Variants in KCNG3 observed in about 807,000 individuals in gnomAD.
KCNG3 encodes potassium voltage-gated channel modifier subfamily G member 3.
KCNG3 carries 15 observed loss-of-function variants against 29.0 expected under a neutral mutation model. The observed-to-expected ratio is 0.52, with a 90% CI of 0.35 to 0.80. KCNG3 has a LOEUF of 0.80. Among genes scored for constraint, KCNG3 ranks in the 30% least tolerant of loss-of-function variants. The probability of loss-of-function intolerance (pLI) is 0.01; values close to 1 mark genes in which losing one functional copy is unlikely to be tolerated. For missense variants in KCNG3, 512 were observed against 605.7 expected, an observed-to-expected ratio of 0.85 and a Z score of 1.62; for synonymous variants, 322 against 248.9, an observed-to-expected ratio of 1.29 and a Z score of -2.76.
chr2:42,468,018 G>A (rs1673187830), intron 1 of KCNG3, among the ~76,000 whole-genome samples: 1 of 149,660 alleles, frequency 6.7e-6, no homozygotes, highest in Non-Finnish European at 1.5e-5. Context: ...AACCCAGACA[G>A]ACAGTACAAG....
chr2:42,397,875 T>A, the KCNG3 span, among the ~76,000 whole-genome samples: 3 of 152,192 alleles, frequency 2.0e-5, no homozygotes, highest in Non-Finnish European at 2.9e-5. Flanking sequence ...TTCACTCTCA[T>A]ATGTAGCTAG....
At chr2:42,414,691 T>G in the KCNG3 span, among the ~76,000 whole-genome samples, 2 of 152,174 alleles carry the variant, frequency 1.3e-5, no homozygotes, top group African/African-American at 4.8e-5. Context: ...ATTATTTCCT[T>G]CTAGGAAACC....
chr2:42,491,694 C>T (rs1007488521), intron 1 of KCNG3, among the ~76,000 whole-genome samples: 1 of 152,118 alleles, frequency 6.6e-6, no homozygotes, highest in Non-Finnish European at 1.5e-5. Context: ...TAATAGACTC[C>T]GTGGCACTAG....
At chr2:42,429,476 C>T in the KCNG3 span, among the ~76,000 whole-genome samples, 1 of 152,204 alleles carries the variant, frequency 6.6e-6, no homozygotes, top group Non-Finnish European at 1.5e-5. Context: ...AATTCATTTT[C>T]TACTCTTGAG....
the KCNG3 span, among the ~76,000 whole-genome samples, chr2:42,418,231 C>G: frequency 5.9e-5 from 9 of 152,228 alleles, no homozygotes; most frequent in African/African-American, 2.2e-4. Flanking sequence ...TCTTATTTCA[C>G]ATATTACTAT....
chr2:42,472,783 A>G (rs1248330958), intron 1 of KCNG3, among the ~76,000 whole-genome samples: 7 of 151,342 alleles, frequency 4.6e-5, no homozygotes, highest in African/African-American at 1.5e-4. Flanking sequence ...TACAGGCTCA[A>G]CGATATATCT....
intron 1 of KCNG3, among the ~76,000 whole-genome samples, chr2:42,476,533 C>T (rs184590401): frequency 5.9e-5 from 9 of 152,120 alleles, no homozygotes; most frequent in African/African-American, 2.2e-4. Flanking sequence ...GTCACCCCAG[C>T]TGGAGTGCAG....
intron 1 of KCNG3, among the ~76,000 whole-genome samples, chr2:42,454,720 A>G (rs1025931883): frequency 2.6e-4 from 39 of 152,180 alleles, no homozygotes; most frequent in Admixed American, 6.5e-5. Flanking sequence ...AAGAAAAAAA[A>G]AAAGAAAGAA....
chr2:42,478,229 T>TA (rs1673489246), intron 1 of KCNG3, among the ~76,000 whole-genome samples: 1 of 152,112 alleles, frequency 6.6e-6, no homozygotes, highest in African/African-American at 2.4e-5. Flanking sequence ...TTTATCATAT[T>TA]ATATATTAAA....
chr2:42,407,388 G>C, the KCNG3 span, among the ~76,000 whole-genome samples: 1 of 152,010 alleles, frequency 6.6e-6, no homozygotes, highest in Non-Finnish European at 1.5e-5. Context: ...GGCTGGTCTC[G>C]AACTCTTGGA....
the KCNG3 span, among the ~76,000 whole-genome samples, chr2:42,431,806 C>A: frequency 1.3e-5 from 2 of 152,052 alleles, no homozygotes; most frequent in Non-Finnish European, 2.9e-5. Context: ...GGGAGGCCGA[C>A]GTGGGCGGAT....
chr2:42,448,470 T>TACC (rs1672660487), intron 1 of KCNG3, among the ~76,000 whole-genome samples: 1 of 152,052 alleles, frequency 6.6e-6, no homozygotes, highest in African/African-American at 2.4e-5. Context: ...TACATTAAAT[T>TACC]ACCAATCACA....
At chr2:42,434,448 G>T in the KCNG3 span, among the ~76,000 whole-genome samples, 1 of 83,158 alleles carries the variant, frequency 1.2e-5, no homozygotes. Context: ...AACAGAGTGA[G>T]ACACTGTCTC....
chr2:42,409,597 G>A, the KCNG3 span, among the ~76,000 whole-genome samples: 4 of 150,364 alleles, frequency 2.7e-5, no homozygotes, highest in Non-Finnish European at 4.4e-5. Flanking sequence ...CCAGCTACTC[G>A]GGAGGCTGAG....
At chr2:42,452,744 C>T (rs1672791995) in intron 1 of KCNG3, among the ~76,000 whole-genome samples, 2 of 150,350 alleles carry the variant, frequency 1.3e-5, no homozygotes, top group African/African-American at 4.9e-5. Context: ...TGTGTAAGTA[C>T]CACATTTCCT....
chr2:42,492,953 C>T lies in KCNG3; in HGVS notation c.549G>A (p.Val183=), dbSNP rs140151730. Residue 183 remains valine, a synonymous_variant, in exon 1 of 2, where the codon GTG becomes GTA. Coordinates refer to ENST00000306078, the MANE Select transcript of KCNG3 (RefSeq NM_133329.6). The part of the protein sequence containing the change: ...LASVSVVFVI[V]SMVVLCASTL... Reference sequence around the variant, plus strand: ...TGCTGGCGCACAGCACCACCATGGACACGATCACGAACACCACCGACACGC... The same window carrying T: ...TGCTGGCGCACAGCACCACCATGGATACGATCACGAACACCACCGACACGC... 1.5e-5 allele frequency: 24 copies of T among 1,584,944 alleles called. No individual in the cohort carries two copies. Among genetic ancestry groups the T allele is most frequent in the Non-Finnish European group, 2.0e-5 (23 of 1,169,340 alleles).
chr2:42,450,015 G>A (rs1252902639), intron 1 of KCNG3, among the ~76,000 whole-genome samples: 2 of 152,098 alleles, frequency 1.3e-5, no homozygotes, highest in Non-Finnish European at 2.9e-5. Context: ...CCATCAAGTG[G>A]CAGATTTACA....
At chr2:42,394,088 C>T in the KCNG3 span, among the ~76,000 whole-genome samples, 1 of 152,048 alleles carries the variant, frequency 6.6e-6, no homozygotes, top group East Asian at 1.9e-4. Context: ...GCCATAAACT[C>T]CCTTTAATTA....
chr2:42,466,180 C>T (rs1237627732), intron 1 of KCNG3, among the ~76,000 whole-genome samples: 2 of 152,150 alleles, frequency 1.3e-5, no homozygotes, highest in African/African-American at 4.8e-5. Flanking sequence ...CCAAGATAGG[C>T]GGATCACCTA....
Sources: allele counts gnomAD v4.1 joint callset (sites outside exome capture counted in the v4.1 genomes callset), GRCh38; gene constraint gnomAD v4.1.1; transcripts MANE v1.5; gene names NCBI Gene and HGNC (gene_info 2026-07-23, HGNC 2026-07-21).